Variants in TYW1 observed in about 807,000 individuals in gnomAD.
TYW1 encodes the protein tRNA-yW synthesizing protein 1 homolog.
A neutral mutation model predicts 96.2 loss-of-function variants in TYW1; 46 were observed. The ratio of observed to expected loss-of-function variants is 0.48; its 90% CI spans 0.38 to 0.61. The LOEUF (loss-of-function observed/expected upper bound fraction) is 0.61. TYW1 is among the 20% of genes least tolerant of loss of function. The pLI, the probability that TYW1 is intolerant of heterozygous loss-of-function variation, is 0.00. For synonymous variants in TYW1, 274 were observed against 323.0 expected, an observed-to-expected ratio of 0.85 and a Z score of 1.63; for missense variants, 684 against 909.6, an observed-to-expected ratio of 0.75 and a Z score of 3.19.
chr7:67,169,480 A>G (rs1799452604), intron 13 of TYW1, among the ~76,000 whole-genome samples: 2 of 151,920 alleles, frequency 1.3e-5, no homozygotes, highest in Non-Finnish European at 2.9e-5. Flanking sequence ...GGCTCACTGC[A>G]ACTTCTGTCT....
intron 4 of TYW1, among the ~76,000 whole-genome samples, chr7:67,010,137 C>A (rs192763566): frequency 1.6e-4 from 25 of 151,906 alleles, no homozygotes; most frequent in South Asian, 1.5e-3. Flanking sequence ...CATGCACCAC[C>A]ATGCCCAGCT....
intron 15 of TYW1, among the ~76,000 whole-genome samples, chr7:67,207,717 C>CTTTT (rs749961615): frequency 9.7e-5 from 10 of 103,492 alleles, no homozygotes; most frequent in Non-Finnish European, 1.3e-4. Flanking sequence ...TTTTGTTTGC[C>CTTTT]TTTTTTTTTT....
At chr7:67,159,445 A>G (rs1799087479) in intron 13 of TYW1, among the ~76,000 whole-genome samples, 1 of 152,198 alleles carries the variant, frequency 6.6e-6, no homozygotes, top group Non-Finnish European at 1.5e-5. Context: ...AGATGTTAAT[A>G]TTTCATCATT....
intron 7 of TYW1, among the ~76,000 whole-genome samples, chr7:67,033,417 T>C (rs1584485609): frequency 6.6e-6 from 1 of 152,190 alleles, no homozygotes; most frequent in South Asian, 2.1e-4. Context: ...CTAATGCAAG[T>C]AGCTGATCCG....
At chr7:67,099,950 C>T (rs570529329) in intron 12 of TYW1, among the ~76,000 whole-genome samples, 4 of 151,912 alleles carry the variant, frequency 2.6e-5, no homozygotes, top group South Asian at 2.1e-4. Flanking sequence ...TTCAGTGAGC[C>T]GAGATCGCAC....
chr7:67,231,109 C>T (rs1801738761), intron 15 of TYW1, among the ~76,000 whole-genome samples: 1 of 152,154 alleles, frequency 6.6e-6, no homozygotes, highest in South Asian at 2.1e-4. Context: ...TGTTCATGGC[C>T]AAGCCATGCC....
intron 13 of TYW1, among the ~76,000 whole-genome samples, chr7:67,154,242 G>T (rs1563044284): frequency 6.6e-6 from 1 of 151,956 alleles, no homozygotes; most frequent in South Asian, 2.1e-4. Flanking sequence ...CTTTCTGATG[G>T]TTACTTCCAT....
At chr7:67,110,971 C>A (rs1470352583) in intron 12 of TYW1, among the ~76,000 whole-genome samples, 1 of 152,040 alleles carries the variant, frequency 6.6e-6, no homozygotes, top group East Asian at 1.9e-4. Flanking sequence ...TGCCACTGCA[C>A]TCCAGCCTGG....
intron 7 of TYW1, among the ~76,000 whole-genome samples, chr7:67,038,687 T>G (rs1794916098): frequency 6.6e-6 from 1 of 152,004 alleles, no homozygotes; most frequent in Non-Finnish European, 1.5e-5. Context: ...GCAGATCACC[T>G]GAGGTCAGGA....
At chr7:67,128,738 G>A (rs1312703663) in intron 13 of TYW1, among the ~76,000 whole-genome samples, 2 of 150,386 alleles carry the variant, frequency 1.3e-5, no homozygotes, top group Non-Finnish European at 3.0e-5. Flanking sequence ...TCACAGGCTG[G>A]AGTGCAGTGG....
At chr7:67,143,409 C>T (rs1798511351) in intron 13 of TYW1, among the ~76,000 whole-genome samples, 1 of 152,214 alleles carries the variant, frequency 6.6e-6, no homozygotes, top group African/African-American at 2.4e-5. Context: ...TTATTTAATG[C>T]ATACTTTATT....
At chr7:67,018,974 GAAAAA>G (rs974880486) in intron 6 of TYW1, among the ~76,000 whole-genome samples, 3 of 69,254 alleles carry the variant, frequency 4.3e-5, no homozygotes, top group Non-Finnish European at 1.0e-4. Context: ...AAAAAAAAAA[GAAAAA>G]AACAAAATAC....
intron 4 of TYW1, among the ~76,000 whole-genome samples, chr7:67,014,077 C>T (rs1793919819): frequency 6.6e-6 from 1 of 151,990 alleles, no homozygotes; most frequent in Admixed American, 6.6e-5. Context: ...ATTTTGTTTC[C>T]ACTGTGGCAA....
chr7:67,095,406 G>A (rs1796868029), intron 11 of TYW1, among the ~76,000 whole-genome samples: 1 of 151,832 alleles, frequency 6.6e-6, no homozygotes, highest in Admixed American at 6.6e-5. Flanking sequence ...CTATGTCTTG[G>A]CTGGGCATGG....
chr7:67,037,665 C>T (rs1223416843), intron 7 of TYW1, among the ~76,000 whole-genome samples: 2 of 151,954 alleles, frequency 1.3e-5, no homozygotes, highest in Non-Finnish European at 2.9e-5. Context: ...TTTTGTAAAG[C>T]TTATCATAAA....
At chr7:67,189,386 A>G (rs2116325570) in intron 14 of TYW1, among the ~76,000 whole-genome samples, 1 of 142,472 alleles carries the variant, frequency 7.0e-6, no homozygotes, top group South Asian at 2.2e-4. Context: ...ATGTGTGTTC[A>G]TGTGTGTGTT....
intron 12 of TYW1, among the ~76,000 whole-genome samples, chr7:67,099,938 GT>G (rs1166281617): frequency 2.6e-5 from 4 of 152,040 alleles, no homozygotes; most frequent in Non-Finnish European, 5.9e-5. Flanking sequence ...GGAGGCGGAG[GT>G]TTCAGTGAGC....
At chr7:67,156,812 C>G (rs1798991471) in intron 13 of TYW1, among the ~76,000 whole-genome samples, 1 of 151,312 alleles carries the variant, frequency 6.6e-6, no homozygotes, top group African/African-American at 2.4e-5. Context: ...TGAGTGGGAC[C>G]CAGTGTGAAT....
At chr7:67,011,873 CAA>C (rs570299951) in intron 4 of TYW1, among the ~76,000 whole-genome samples, 40 of 91,660 alleles carry the variant, frequency 4.4e-4, no homozygotes, top group Admixed American at 1.2e-3. Context: ...ATCTCCGTCT[CAA>C]AAAAAAAAAA....
Sources: allele counts gnomAD v4.1 joint callset (sites outside exome capture counted in the v4.1 genomes callset), GRCh38; gene constraint gnomAD v4.1.1; transcripts MANE v1.5; gene names NCBI Gene and HGNC (gene_info 2026-07-23, HGNC 2026-07-21).